ZDHHC6: variants seen among roughly 807,000 people sequenced by gnomAD.
ZDHHC6 encodes zDHHC palmitoyltransferase 6, also known as palmitoyltransferase ZDHHC6.
In ZDHHC6, 32 loss-of-function variants were observed where a neutral mutation model predicts 57.8. The observed-to-expected ratio is 0.55, with a 90% confidence interval of 0.42 to 0.74. The LOEUF is 0.74. Ranked by LOEUF, ZDHHC6 falls within the 30% of genes least tolerant of loss-of-function variation. ZDHHC6 has a pLI of 0.00. For synonymous variants in ZDHHC6, 128 were observed against 158.0 expected, an observed-to-expected ratio of 0.81 and a Z score of 1.42; for missense variants, 433 against 500.7, an observed-to-expected ratio of 0.86 and a Z score of 1.29.
intron 5 of ZDHHC6, 61 bp downstream of exon 5, chr10:112,440,473 T>C: frequency 5.3e-6 from 8 of 1,523,518 alleles, no homozygotes; most frequent in Non-Finnish European, 7.1e-6. Context: ...CTTTGTCTCT[T>C]TCTTGTGCAA....
chr10:112,427,469 T>TAA (rs1182520072), downstream of ZDHHC6: 4 of 1,043,376 alleles, frequency 3.8e-6, no homozygotes, highest in African/African-American at 6.6e-5. Flanking sequence ...TTTAACCTGT[T>TAA]AAACTCTAAA....
downstream of ZDHHC6, among the ~76,000 whole-genome samples, chr10:112,428,701 G>T (rs1844832220): frequency 6.6e-6 from 1 of 151,924 alleles, no homozygotes; most frequent in African/African-American, 2.4e-5. Flanking sequence ...AACCCGAGAG[G>T]CGGAGCTTGC....
Position 112,434,380 on chromosome 10 carries a change from G to A in ZDHHC6, c.820C>T (p.Gln274Ter). The A allele has an allele frequency of 6.2e-7, 1 of 1,613,896 alleles. No individual in the cohort carries two copies. Among genetic ancestry groups the A allele is most frequent in the Non-Finnish European group, 8.5e-7 (1 of 1,179,886 alleles). The change falls in exon 7 of 11, where the codon CAG (glutamine) becomes TAG (stop). Residue 274 changes from glutamine to a stop codon, truncating the protein, a stop_gained. Transcript: ENST00000369405. LOFTEE classifies it high-confidence loss of function. ...DMGSRWRNFKQVFTWSGVPEG... is the reference protein window; with the variant it reads ...DMGSRWRNFK ...GGGACCCCTGACCACGTAAATACCT[G>A]TTTAAAGTTCCTCCATCTACTTCCC...
At chr10:112,442,488 A>C (rs1846218369) in intron 3 of ZDHHC6, 137 bp from the exon 4 acceptor site, 2 of 799,382 alleles carry the variant, frequency 2.5e-6, no homozygotes, top group Non-Finnish European at 3.7e-6. Context: ...ATGGAACAGA[A>C]AGAAAAATCT....
At chr10:112,434,545 C>A in intron 6 of ZDHHC6, 81 bp from the exon 7 acceptor site, 1 of 1,345,910 alleles carries the variant, frequency 7.4e-7, no homozygotes, top group Non-Finnish European at 1.0e-6. Flanking sequence ...ACACTTATTT[C>A]TCAAGTTTCT....
At chr10:112,425,538 A>G (rs1345279195), downstream of ZDHHC6, 2 of 1,404,058 alleles carry the variant, frequency 1.4e-6, no homozygotes, top group African/African-American at 1.5e-5. Flanking sequence ...TGGTTCTTGT[A>G]GCTACAGGAA....
chr10:112,429,967 G>GC (rs765466847), downstream of ZDHHC6, among the ~76,000 whole-genome samples: 16 of 29,234 alleles, frequency 5.5e-4, no homozygotes, highest in Admixed American at 8.5e-3. Context: ...AGCAGTTGTT[G>GC]GGGGGGGGGT....
At chr10:112,427,195 ATGTG>A (rs751452222), downstream of ZDHHC6, 1 of 1,603,188 alleles carries the variant, frequency 6.2e-7, no homozygotes, top group Admixed American at 1.7e-5. Flanking sequence ...ATGAGCATGG[ATGTG>A]TGTGTGTTCA....
downstream of ZDHHC6, chr10:112,426,842 C>T (rs1215733430): frequency 1.9e-6 from 3 of 1,613,714 alleles, no homozygotes; most frequent in African/African-American, 4.0e-5. Context: ...AGAAAGTGGC[C>T]TTAAAACTTT....
Position 112,434,393 on chromosome 10 carries a change from C to G in ZDHHC6, c.807G>C (p.Trp269Cys), listed in dbSNP as rs1279465205. 2.5e-6 allele frequency: 4 copies of G among 1,614,046 alleles called. No homozygotes were observed. The South Asian group carries it at 4.4e-5, about 18-fold the overall frequency. ...ACGTAAATACCTGTTTAAAGTTCCT[C>G]CATCTACTTCCCATATCATATGGAA... is the stretch of plus-strand genomic sequence containing the variant. ...FVFPYDMGSR[W>C]RNFKQVFTWS... Residue 269 changes from tryptophan (W) to cysteine (C), a missense_variant, in exon 7 of 11, where the codon TGG (tryptophan) becomes TGC (cysteine). Coordinates refer to ENST00000369405, the MANE Select transcript of ZDHHC6 (RefSeq NM_022494.3).
downstream of ZDHHC6, chr10:112,426,983 C>A: frequency 2.1e-6 from 2 of 972,356 alleles, no homozygotes; most frequent in Non-Finnish European, 3.1e-6. Context: ...CCATTAACTA[C>A]AAAATGACCT....
chr10:112,441,150 T>C (rs1158844570), intron 4 of ZDHHC6, among the ~76,000 whole-genome samples: 1 of 152,268 alleles, frequency 6.6e-6, no homozygotes, highest in East Asian at 1.9e-4. Flanking sequence ...GGGCCAGCTA[T>C]TTTTAATTAA....
chr10:112,446,128 T>G (rs932123984), intron 1 of ZDHHC6, among the ~76,000 whole-genome samples: 4 of 152,154 alleles, frequency 2.6e-5, no homozygotes, highest in African/African-American at 9.7e-5. Context: ...AGTCTTGAAT[T>G]AAGCCAAGTA....
At chr10:112,431,380 C>T (rs1761604117) in intron 10 of ZDHHC6, among the ~76,000 whole-genome samples, 1 of 151,598 alleles carries the variant, frequency 6.6e-6, no homozygotes, top group Admixed American at 6.6e-5. Flanking sequence ...GTGGCACGAT[C>T]TCAGATTACT....
In ZDHHC6 at chr10:112,443,408, T is replaced by C. The variant is rs138538835; in HGVS notation, c.359+107A>G. On this transcript the variant is annotated intron_variant, in intron 3 of 10. Coordinates refer to ENST00000369405, the MANE Select transcript of ZDHHC6 (RefSeq NM_022494.3). ...TATTCTGACAATATTGTTTATAATA[T>C]GGTAACCTTGCAGTGAATAGAAGTA... The C allele has an allele frequency of 2.3e-3, 2,032 of 877,310 alleles. 6 individuals are homozygous for C. Among genetic ancestry groups the C allele is most frequent in the Admixed American group, 4.0e-3 (146 of 36,164 alleles). The allele number at this position is 877,310 out of a possible 1,614,324, so 54.3% of individuals were successfully genotyped here. A position where few individuals can be genotyped will look rare whatever the true frequency, so the allele number is the denominator to read the frequency against.
chr10:112,425,316 T>TA, downstream of ZDHHC6: 1 of 1,586,918 alleles, frequency 6.3e-7, no homozygotes, highest in Non-Finnish European at 8.6e-7. Flanking sequence ...AAAATACTGA[T>TA]ACTTTTATCT....
intron 2 of ZDHHC6, among the ~76,000 whole-genome samples, chr10:112,444,159 A>G (rs1589756100): frequency 2.0e-5 from 3 of 152,264 alleles, no homozygotes; most frequent in South Asian, 2.1e-4. Context: ...ATGGTCTACA[A>G]TTTCTCATGT....
Position 112,445,485 on chromosome 10 carries a change from T to C in ZDHHC6, c.-49A>G, listed in dbSNP as rs201760119. 3.2e-5 allele frequency: 50 copies of C among 1,583,950 alleles called. No individual in the cohort carries two copies. Among genetic ancestry groups the C allele is most frequent in the Middle Eastern group, 3.9e-4 (2 of 5,118 alleles). ...TACTTTAAAAGAATTATAGATTTCC[T>C]TTTTCTGTGCGCACATTTCCATGTG... is the stretch of plus-strand genomic sequence containing the variant. On this transcript the variant is annotated 5_prime_UTR_variant, in exon 2 of 11. Transcript: ENST00000369405.
intron 1 of ZDHHC6, among the ~76,000 whole-genome samples, chr10:112,446,412 G>A (rs1045500118): frequency 1.3e-5 from 2 of 152,134 alleles, no homozygotes; most frequent in Non-Finnish European, 2.9e-5. Flanking sequence ...AAGGCAGGGC[G>A]GCGAGCTCCG....
Sources: gnomAD v4.1 joint callset for allele counts (sites outside exome capture counted in the v4.1 genomes callset) on GRCh38, gnomAD v4.1.1 for gene constraint, MANE v1.5 for transcripts, NCBI Gene and HGNC (gene_info 2026-07-23, HGNC 2026-07-21) for gene names.